Variants in CMTM8 observed in about 807,000 individuals in gnomAD.
CMTM8 encodes the protein CKLF-like MARVEL transmembrane domain-containing protein 8.
In CMTM8, 12 loss-of-function variants were observed where a neutral mutation model predicts 18.6. The observed-to-expected ratio is 0.65, with a 90% CI of 0.41 to 1.05. The LOEUF (loss-of-function observed/expected upper bound fraction) is 1.05, where lower values mean the gene tolerates loss of function less well. Ranked by LOEUF, CMTM8 falls within the 50% of genes least tolerant of loss-of-function variation. CMTM8 has a pLI of 0.00. For synonymous variants in CMTM8, 87 were observed against 90.6 expected (o/e 0.96, Z 0.23); for missense variants, 217 against 227.2 (o/e 0.95, Z 0.29).
chr3:32,360,706 C>T (rs940163991), intron 2 of CMTM8, among the ~76,000 whole-genome samples: 5 of 152,192 alleles, frequency 3.3e-5, no homozygotes, highest in East Asian at 1.9e-4. Flanking sequence ...CTCCTGCTGC[C>T]GAGTTGGACT....
At chr3:32,254,674 C>G (rs1396870992) in intron 1 of CMTM8, among the ~76,000 whole-genome samples, 1 of 151,820 alleles carries the variant, frequency 6.6e-6, no homozygotes, top group East Asian at 1.9e-4. Context: ...TCCTCCTTAC[C>G]TATTCCTGGC....
At chr3:32,366,997 T>C (rs537236893) in intron 2 of CMTM8, among the ~76,000 whole-genome samples, 2 of 152,206 alleles carry the variant, frequency 1.3e-5, no homozygotes, top group East Asian at 3.9e-4. Flanking sequence ...TCTATGTAGC[T>C]TTTTTTTCTC....
chr3:32,332,984 ATG>A (rs1696310311), intron 1 of CMTM8, among the ~76,000 whole-genome samples: 1 of 152,202 alleles, frequency 6.6e-6, no homozygotes, highest in South Asian at 2.1e-4. Flanking sequence ...AAGGTTTGGA[ATG>A]TGTGTGTTTT....
At chr3:32,327,521 C>T (rs1696185765) in intron 1 of CMTM8, among the ~76,000 whole-genome samples, 1 of 152,162 alleles carries the variant, frequency 6.6e-6, no homozygotes, top group African/African-American at 2.4e-5. Flanking sequence ...TGATTCTTCT[C>T]CTCTTGGAAT....
At chr3:32,309,116 C>G (rs930849360) in intron 1 of CMTM8, among the ~76,000 whole-genome samples, 30 of 151,990 alleles carry the variant, frequency 2.0e-4, no homozygotes, top group African/African-American at 7.3e-4. Flanking sequence ...GCATGTGTAC[C>G]AAGTTGCTCA....
chr3:32,350,482 C>CGAGTA (rs1271989051), intron 1 of CMTM8, among the ~76,000 whole-genome samples: 3 of 150,912 alleles, frequency 2.0e-5, no homozygotes, highest in African/African-American at 7.3e-5. Context: ...CTCAGCCTCC[C>CGAGTA]GAGTAGCTGG....
chr3:32,306,258 G>C (rs1695713102), intron 1 of CMTM8, among the ~76,000 whole-genome samples: 1 of 152,170 alleles, frequency 6.6e-6, no homozygotes, highest in Admixed American at 6.5e-5. Flanking sequence ...GTCACCTGAT[G>C]GCAAGGCCAG....
At chr3:32,361,021 G>A (rs1696913094) in intron 2 of CMTM8, among the ~76,000 whole-genome samples, 1 of 152,170 alleles carries the variant, frequency 6.6e-6, no homozygotes, top group African/African-American at 2.4e-5. Context: ...CACTCTTGTT[G>A]CCCAGGCTGG....
intron 1 of CMTM8, among the ~76,000 whole-genome samples, chr3:32,357,026 G>A (rs1696827776): frequency 1.3e-5 from 2 of 152,114 alleles, no homozygotes; most frequent in South Asian, 4.1e-4. Context: ...ACATGAGTTT[G>A]CAAACCCTGT....
intron 1 of CMTM8, among the ~76,000 whole-genome samples, chr3:32,356,630 G>C (rs1402840986): frequency 1.3e-5 from 2 of 152,182 alleles, no homozygotes; most frequent in Non-Finnish European, 2.9e-5. Context: ...TCTGAAAGCT[G>C]TCTCAGACCA....
At position 32,265,166 on chromosome 3, in the gene CMTM8, C is replaced by T. The variant is rs574033286; in HGVS notation, c.147+26047C>T. 2.9e-3 allele frequency among the ~76,000 whole-genome samples: 441 copies of T among 152,346 alleles called. 1 individual carries two copies. The highest frequency in any genetic ancestry group is 4.0e-3 in the Non-Finnish European group (275 of 68,036). ...AGAATATACATTCTTCTCAGCACCA[C>T]ACCGCACTTACTCCAAAATTGACCA... On this transcript the variant is annotated intron_variant, in intron 1 of 3. Transcript: ENST00000307526.
chr3:32,291,383 G>A (rs145762643), intron 1 of CMTM8, among the ~76,000 whole-genome samples: 1,557 of 150,590 alleles, frequency 0.01, 34 homozygotes, highest in African/African-American at 0.036. Context: ...CTCGTGATCC[G>A]CCCGCCTCGG....
intron 2 of CMTM8, among the ~76,000 whole-genome samples, chr3:32,360,679 C>T (rs1176810240): frequency 1.3e-5 from 2 of 152,218 alleles, no homozygotes; most frequent in African/African-American, 4.8e-5. Flanking sequence ...GGACTTTGTG[C>T]TGAGGCAGCT....
chr3:32,309,720 C>T lies in CMTM8; in HGVS notation c.148-47653C>T, dbSNP rs1178328721. The stretch of plus-strand genomic sequence containing the variant: ...TCAAAGTCGGTCATGCTTTCAGTAA[C>T]TTGGCTATTCTGATTGAGCCTGTGG... On this transcript the variant is annotated intron_variant, in intron 1 of 3. Coordinates refer to ENST00000307526, the MANE Select transcript of CMTM8 (RefSeq NM_178868.5). Among the ~76,000 whole-genome samples, 3 of 152,194 alleles carry T rather than the reference C, an allele frequency of 2.0e-5. No homozygotes were observed. In the South Asian group the frequency reaches 6.2e-4, roughly 31 times the overall value.
intron 1 of CMTM8, among the ~76,000 whole-genome samples, chr3:32,252,047 G>A (rs1405400276): frequency 3.3e-5 from 5 of 152,128 alleles, no homozygotes; most frequent in African/African-American, 1.2e-4. Flanking sequence ...CCATGACCGT[G>A]CTGTCACTGC....
At chr3:32,274,375 A>C (rs901030098) in intron 1 of CMTM8, among the ~76,000 whole-genome samples, 2 of 152,220 alleles carry the variant, frequency 1.3e-5, no homozygotes, top group Non-Finnish European at 2.9e-5. Context: ...ACAGTGCTAG[A>C]AATTGAAGTC....
chr3:32,250,777 A>T (rs1218414003), intron 1 of CMTM8, among the ~76,000 whole-genome samples: 1 of 151,972 alleles, frequency 6.6e-6, no homozygotes, highest in African/African-American at 2.4e-5. Context: ...ATACAAAAAA[A>T]TTATAGGGTT....
At chr3:32,268,974 G>A (rs935364402) in intron 1 of CMTM8, among the ~76,000 whole-genome samples, 1 of 152,174 alleles carries the variant, frequency 6.6e-6, no homozygotes, top group Non-Finnish European at 1.5e-5. Context: ...AGGGCTTCAG[G>A]TAGGACAGAA....
At position 32,238,838 on chromosome 3, in the gene CMTM8, C is replaced by G. The variant is rs907559226; in HGVS notation, c.-135C>G. On this transcript the variant is annotated 5_prime_UTR_variant, in exon 1 of 4. Coordinates refer to ENST00000307526, the MANE Select transcript of CMTM8 (RefSeq NM_178868.5). The stretch of plus-strand genomic sequence containing the variant: ...CGCCTGGACAGCCCCCGGCGGGCGC[C>G]CCCCTCGCACCTCCTGCCCCGCGCG... 4.5e-6 allele frequency: 3 copies of G among 669,828 alleles called. No homozygotes were observed. Among genetic ancestry groups the G allele is most frequent in the Admixed American group, 9.2e-5 (2 of 21,760 alleles). The allele number at this position is 669,828 out of a possible 1,614,324, so 41.5% of individuals were successfully genotyped here. A position where few individuals can be genotyped will look rare whatever the true frequency, so the allele number is the denominator to read the frequency against.
Sources: allele counts gnomAD v4.1 joint callset (sites outside exome capture counted in the v4.1 genomes callset), GRCh38; gene constraint gnomAD v4.1.1; transcripts MANE v1.5; gene names NCBI Gene and HGNC (gene_info 2026-07-23, HGNC 2026-07-21).